Variants in NMT1 observed in about 807,000 individuals in gnomAD.
NMT1 encodes glycylpeptide N-tetradecanoyltransferase 1.
A neutral mutation model predicts 63.4 loss-of-function variants in NMT1; 12 were observed. That is an observed-to-expected ratio of 0.19 (90% CI 0.12 to 0.31). NMT1 has a LOEUF of 0.31. Ranked by LOEUF, NMT1 falls within the 10% of genes least tolerant of loss-of-function variation. The probability of loss-of-function intolerance (pLI) is 1.00; values close to 1 mark genes in which losing one functional copy is unlikely to be tolerated. For synonymous variants in NMT1, 228 were observed against 234.3 expected, an observed-to-expected ratio of 0.97 and a Z score of 0.25; for missense variants, 432 against 634.6, an observed-to-expected ratio of 0.68 and a Z score of 3.43.
chr17:45,097,379 C>T (rs555391010), intron 6 of NMT1, 135 bp downstream of exon 6: 9 of 733,766 alleles, frequency 1.2e-5, no homozygotes, highest in African/African-American at 5.1e-5. Flanking sequence ...TGCCCAGGTG[C>T]GGGGACTGCA....
Position 45,079,666 on chromosome 17 carries a change from G to A in NMT1, c.132-1978G>A, listed in dbSNP as rs374197930. Among the ~76,000 whole-genome samples the A allele has an allele frequency of 2.4e-4, 37 of 152,232 alleles. No individual in the cohort carries two copies. In the South Asian group the frequency reaches 7.5e-3, roughly 31 times the overall value. On this transcript the variant is annotated intron_variant, in intron 1 of 11. Coordinates refer to ENST00000258960, the MANE Select transcript of NMT1 (RefSeq NM_021079.5). The stretch of plus-strand genomic sequence containing the variant: ...CTTGATCACGTGCACACATGCACAC[G>A]TGCATACACACAGACATGTTTCTTT...
At chr17:45,089,047 A>C (rs947801298) in intron 3 of NMT1, among the ~76,000 whole-genome samples, 1 of 152,188 alleles carries the variant, frequency 6.6e-6, no homozygotes, top group Non-Finnish European at 1.5e-5. Context: ...TCTGCCTTTG[A>C]GGTCCAGGGT....
At chr17:45,096,768 C>T (rs1179487307) in intron 5 of NMT1, among the ~76,000 whole-genome samples, 3 of 152,212 alleles carry the variant, frequency 2.0e-5, no homozygotes, top group South Asian at 2.1e-4. Context: ...GGAGACAGGA[C>T]ACCAGAGCTC....
chr17:45,089,799 G>A lies in NMT1; in HGVS notation c.385+3147G>A, dbSNP rs542620734. 6.0e-5 allele frequency among the ~76,000 whole-genome samples: 9 copies of A among 150,356 alleles called. No homozygotes were observed. In the South Asian group the frequency reaches 1.7e-3, roughly 28 times the overall value. On this transcript the variant is annotated intron_variant, in intron 3 of 11. Coordinates refer to ENST00000258960, the MANE Select transcript of NMT1 (RefSeq NM_021079.5). The stretch of plus-strand genomic sequence containing the variant: ...GACTACAGGTGCCTGCCACATGCCT[G>A]GCTAATTTTTAAATTTTTTGTGGAG...
chr17:45,105,533 C>A lies in NMT1; in HGVS notation c.1471-86C>A. The A allele has an allele frequency of 6.7e-7, 1 of 1,489,400 alleles. No individual in the cohort carries two copies. The highest frequency in any genetic ancestry group is 9.3e-7 in the Non-Finnish European group (1 of 1,070,302). The allele number at this position is 1,489,400 out of a possible 1,614,324, so 92.3% of individuals were successfully genotyped here. ...CACAGGCGGTGGACCCGGGCCCAGC[C>A]ACTCGGAACTTCAGGGATAGGGGGT... On this transcript the variant is annotated intron_variant, in intron 11 of 11. Transcript: ENST00000258960. The surrounding 1 kb of genome is among the most constrained non-coding windows in gnomAD (Gnocchi z 4.2).
intron 1 of NMT1, among the ~76,000 whole-genome samples, chr17:45,064,987 C>G (rs1350261446): frequency 1.3e-5 from 2 of 152,172 alleles, no homozygotes; most frequent in Non-Finnish European, 1.5e-5. Context: ...CAGCTTGCCC[C>G]TCTGCTCTTA....
At chr17:45,096,103 C>G (rs1333541644) in intron 4 of NMT1, 91 bp from the exon 5 acceptor site, 3 of 954,238 alleles carry the variant, frequency 3.1e-6, no homozygotes, top group East Asian at 2.5e-5. Context: ...TAGTTTGCTT[C>G]ATCCTTCTGA....
intron 1 of NMT1, among the ~76,000 whole-genome samples, chr17:45,073,193 C>CAGAT (rs929642158): frequency 2.0e-5 from 3 of 151,948 alleles, no homozygotes; most frequent in African/African-American, 7.2e-5. Context: ...GAGGCTGAGG[C>CAGAT]AGATCACTTG....
chr17:45,083,528 A>T (rs1598010102), intron 2 of NMT1: 2 of 152,284 alleles, frequency 1.3e-5, no homozygotes, highest in East Asian at 3.9e-4. Context: ...GCTATGAAAA[A>T]ATACCATTAT....
intron 3 of NMT1, among the ~76,000 whole-genome samples, chr17:45,092,473 G>A (rs1400918508): frequency 1.3e-5 from 2 of 151,932 alleles, no homozygotes; most frequent in African/African-American, 2.4e-5. Context: ...CGAGGCGGGT[G>A]GATCACTTGA....
chr17:45,061,634 T>C, intron 1 of NMT1, 174 bp downstream of exon 1: 1 of 594,652 alleles, frequency 1.7e-6, no homozygotes, highest in Non-Finnish European at 3.0e-6. Context: ...CAAGGGTGGG[T>C]GCTCTGGATA....
chr17:45,104,902 A>C lies in NMT1; in HGVS notation c.1376A>C (p.Lys459Thr). ...AATGCACTGGATCTCATGGAGAACA[A>C]AACCTTCCTGGAGAAGCTCAAGTTT... ...VFNALDLMENKTFLEKLKFGI... is the reference protein window; with the variant it reads ...VFNALDLMENTTFLEKLKFGI... The change falls in exon 11 of 12, where the codon AAA becomes ACA. Residue 459 changes from lysine to threonine, a missense_variant. This residue lies in a region of NMT1 where 295 missense variants were observed against 489.7 expected (regional missense o/e 0.60). Transcript: ENST00000258960. This position sits in a 1 kb window ranked among gnomAD's most constrained non-coding sequence, Gnocchi z 4.2. 1 of 1,614,218 alleles carries C rather than the reference A, an allele frequency of 6.2e-7. No homozygotes were observed. Among genetic ancestry groups the C allele is most frequent in the African/African-American group, 1.3e-5 (1 of 75,048 alleles).
At position 45,079,840 on chromosome 17, in the gene NMT1, T is replaced by C. The variant is rs531008496; in HGVS notation, c.132-1804T>C. On this transcript the variant is annotated intron_variant, in intron 1 of 11. Coordinates refer to ENST00000258960, the MANE Select transcript of NMT1 (RefSeq NM_021079.5). ...TCAGCCTCCCAAGTAGCTGGGACTA[T>C]AGGCGCCTGCCACCACGCCTGGCTA... is the stretch of plus-strand genomic sequence containing the variant. 5.6e-3 allele frequency among the ~76,000 whole-genome samples: 856 copies of C among 152,010 alleles called. 6 individuals carry two copies. Among genetic ancestry groups the C allele is most frequent in the Middle Eastern group, 0.037 (11 of 294 alleles).
At chr17:45,091,237 C>CACACACACACGT (rs1555606665) in intron 3 of NMT1, among the ~76,000 whole-genome samples, 26 of 148,430 alleles carry the variant, frequency 1.8e-4, no homozygotes, top group African/African-American at 4.7e-4. Context: ...CACACACACA[C>CACACACACACGT]GTCCCATAGC....
Position 45,083,468 on chromosome 17 carries a change from A to G in NMT1, c.240+1716A>G, listed in dbSNP as rs141941775. 7.9e-3 allele frequency among the ~76,000 whole-genome samples: 1,197 copies of G among 152,246 alleles called. 15 individuals carry two copies. The highest frequency in any genetic ancestry group is 0.027 in the African/African-American group (1,123 of 41,524). ...TGCCTCAGCTTGAATCTGCTACCTT[A>G]TTGAGATATGACTTCAAGTAATTTT... On this transcript the variant is annotated intron_variant, in intron 2 of 11. Transcript: ENST00000258960.
chr17:45,108,872 G>C lies in NMT1; in HGVS notation c.*3233G>C, dbSNP rs906062210. The C allele has an allele frequency of 1.3e-5, 2 of 152,460 alleles. No homozygotes were observed. Among genetic ancestry groups the C allele is most frequent in the South Asian group, 2.1e-4 (1 of 4,824 alleles). 9.4% of individuals were successfully genotyped at this position (152,460 alleles called of 1,614,324 possible). A position where few individuals can be genotyped will look rare whatever the true frequency, so the allele number is the denominator to read the frequency against. ...AGGTGCCATGTCTGGGAACAGGGAC[G>C]GGGGAGCTTCACCTTTTTGTCTTGG... On this transcript the variant is annotated 3_prime_UTR_variant, in exon 12 of 12. Transcript: ENST00000258960.
In NMT1 at chr17:45,103,101, A is replaced by G. The variant is rs2054178709; in HGVS notation, c.1144A>G (p.Ile382Val). Residue 382 changes from isoleucine to valine, a missense_variant, in exon 9 of 12, where the codon ATC becomes GTC. Transcript: ENST00000258960. This position sits in a 1 kb window ranked among gnomAD's most constrained non-coding sequence, Gnocchi z 4.8. Reference protein sequence around the residue: ...EHWFYPQENIIDTFVVENANG... With the variant: ...EHWFYPQENIVDTFVVENANG... ...CTGGTTCTACCCCCAGGAGAATATC[A>G]TCGACACTTTCGTGGTGGAGGTGAG... 1.2e-6 allele frequency: 2 copies of G among 1,609,802 alleles called. No homozygotes were observed. Among genetic ancestry groups the G allele is most frequent in the Non-Finnish European group, 1.7e-6 (2 of 1,176,522 alleles).
At chr17:45,093,027 T>C (rs925880464) in intron 3 of NMT1, among the ~76,000 whole-genome samples, 1 of 152,200 alleles carries the variant, frequency 6.6e-6, no homozygotes, top group Admixed American at 6.5e-5. Flanking sequence ...ACTCCCCACA[T>C]GCTCCCACAG....
At chr17:45,098,860 T>C (rs2054143185) in intron 7 of NMT1, 1 of 329,072 alleles carries the variant, frequency 3.0e-6, no homozygotes, top group Non-Finnish European at 5.7e-6. Context: ...AGCCCAAATC[T>C]GGATTTTTAT....
Sources: allele counts gnomAD v4.1 joint callset (sites outside exome capture counted in the v4.1 genomes callset), GRCh38; gene constraint gnomAD v4.1.1; regional missense constraint gnomAD v4.1.1; non-coding constraint Gnocchi (gnomAD v3.1); transcripts MANE v1.5; gene names NCBI Gene and HGNC (gene_info 2026-07-23, HGNC 2026-07-21).